The following SLIT2 variants were observed in gnomAD, a reference collection of about 807,000 sequenced individuals.
SLIT2 encodes slit homolog 2 protein.
Under a neutral mutation model 185.7 loss-of-function variants are expected in SLIT2, and 41 were observed. The observed-to-expected ratio is 0.22, with a 90% confidence interval of 0.17 to 0.29. The LOEUF is 0.29. Ranked by LOEUF, SLIT2 falls within the 10% of genes least tolerant of loss-of-function variation. The probability of loss-of-function intolerance (pLI) is 1.00; values close to 1 mark genes in which losing one functional copy is unlikely to be tolerated. For synonymous variants in SLIT2, 693 were observed against 680.2 expected (o/e 1.02, Z -0.29); for missense variants, 1,571 against 1,909.0 (o/e 0.82, Z 3.30).
In SLIT2 at chr4:20,253,741, C is replaced by G; in HGVS notation, c.-75C>G. 6 of 1,546,358 alleles carry G rather than the reference C, an allele frequency of 3.9e-6. No homozygotes were observed. The highest frequency in any genetic ancestry group is 5.2e-6 in the Non-Finnish European group (6 of 1,145,102). ...GCCCCGCCGGGCACTGGGCCTCAGACACTGCGCGGTTCCCTCGGAGCAGCA... is the reference window on the plus strand; with the variant it reads ...GCCCCGCCGGGCACTGGGCCTCAGAGACTGCGCGGTTCCCTCGGAGCAGCA... On this transcript the variant is annotated 5_prime_UTR_variant, in exon 1 of 37. Transcript: ENST00000504154.
Position 20,619,154 on chromosome 4 carries a change from T to C in SLIT2, c.*145T>C. The C allele has an allele frequency of 1.2e-6, 1 of 847,534 alleles. No individual in the cohort carries two copies. The highest frequency in any genetic ancestry group is 1.7e-6 in the Non-Finnish European group (1 of 592,794). The allele number at this position is 847,534 out of a possible 1,614,324, so 52.5% of individuals were successfully genotyped here. A position where few individuals can be genotyped will look rare whatever the true frequency, so the allele number is the denominator to read the frequency against. The stretch of plus-strand genomic sequence containing the variant: ...TTTTATTATGAGAATAAAGACTTTT[T>C]TTCTGCATTTGGAAAAAAAAAAAAA... On this transcript the variant is annotated 3_prime_UTR_variant, in exon 37 of 37. Transcript: ENST00000504154.
chr4:20,418,141 C>G (rs959308151), intron 4 of SLIT2, among the ~76,000 whole-genome samples: 1 of 152,238 alleles, frequency 6.6e-6, no homozygotes, highest in African/African-American at 2.4e-5. Context: ...ATGGATGACT[C>G]TGTACATAGG....
At chr4:20,454,532 T>C (rs1205905298) in intron 4 of SLIT2, among the ~76,000 whole-genome samples, 1 of 152,188 alleles carries the variant, frequency 6.6e-6, no homozygotes, top group Non-Finnish European at 1.5e-5. Context: ...TTATCATTAC[T>C]CAGTAGTTTC....
chr4:20,342,634 GATTT>G (rs1194228493), intron 4 of SLIT2, among the ~76,000 whole-genome samples: 1 of 144,400 alleles, frequency 6.9e-6, no homozygotes, highest in African/African-American at 2.6e-5. Flanking sequence ...TAAAAATATT[GATTT>G]ATTTATTCCT....
chr4:20,571,566 TA>T (rs1725607872), intron 29 of SLIT2, among the ~76,000 whole-genome samples: 1 of 152,220 alleles, frequency 6.6e-6, no homozygotes, highest in Non-Finnish European at 1.5e-5. Flanking sequence ...AATGAGGCTC[TA>T]GAGTTTTATA....
intron 4 of SLIT2, among the ~76,000 whole-genome samples, chr4:20,316,576 T>G (rs1249904081): frequency 1.3e-5 from 2 of 151,804 alleles, no homozygotes; most frequent in Non-Finnish European, 2.9e-5. Context: ...GAATTCTAAG[T>G]AGAAAAAGAA....
chr4:20,587,585 A>G (rs1727164778), intron 29 of SLIT2, among the ~76,000 whole-genome samples: 1 of 152,198 alleles, frequency 6.6e-6, no homozygotes, highest in Non-Finnish European at 1.5e-5. Flanking sequence ...CCTTTACATT[A>G]TCAAGTCTGT....
At chr4:20,390,005 A>G (rs1436456662) in intron 4 of SLIT2, among the ~76,000 whole-genome samples, 1 of 152,090 alleles carries the variant, frequency 6.6e-6, no homozygotes, top group Non-Finnish European at 1.5e-5. Flanking sequence ...AGCTTTGTGC[A>G]GTCCGATAAA....
chr4:20,608,348 A>G (rs1728947705), intron 33 of SLIT2, among the ~76,000 whole-genome samples: 1 of 152,190 alleles, frequency 6.6e-6, no homozygotes. Context: ...TATATGCTTA[A>G]CCATTAGCCA....
chr4:20,410,042 A>G (rs1044552001), intron 4 of SLIT2, among the ~76,000 whole-genome samples: 2 of 151,584 alleles, frequency 1.3e-5, no homozygotes, highest in African/African-American at 4.8e-5. Flanking sequence ...TTGATAGTTT[A>G]TTTTGCTGTG....
At chr4:20,354,499 A>G (rs1414111996) in intron 4 of SLIT2, among the ~76,000 whole-genome samples, 1 of 152,154 alleles carries the variant, frequency 6.6e-6, no homozygotes, top group Admixed American at 6.5e-5. Flanking sequence ...CTGTGCAATC[A>G]CCAGGCACAT....
intron 4 of SLIT2, among the ~76,000 whole-genome samples, chr4:20,286,401 G>A (rs7674173): frequency 0.041 from 6,257 of 152,038 alleles, 336 homozygotes; most frequent in East Asian, 0.13. Context: ...TGGTTCATCC[G>A]TCTTCTCCTT....
chr4:20,472,248 A>ATAGAGATCTATATATAGATATATATC (rs1715146230), intron 5 of SLIT2, among the ~76,000 whole-genome samples: 1 of 38,704 alleles, frequency 2.6e-5, no homozygotes, highest in South Asian at 1.2e-3. Context: ...CTATATATCT[A>ATAGAGATCTATATATAGATATATATC]TATATAGATC....
chr4:20,477,195 AT>A (rs34247605), intron 5 of SLIT2, among the ~76,000 whole-genome samples: 16,807 of 140,880 alleles, frequency 0.12, 1,398 homozygotes, highest in East Asian at 0.3. Flanking sequence ...AGAGATCATG[AT>A]TTTTTTTTTT....
chr4:20,594,221 ATATG>A (rs1727775209), intron 30 of SLIT2, among the ~76,000 whole-genome samples: 2 of 150,076 alleles, frequency 1.3e-5, no homozygotes, highest in Admixed American at 1.3e-4. Context: ...GTATATATGT[ATATG>A]TATGTACATG....
intron 4 of SLIT2, among the ~76,000 whole-genome samples, chr4:20,307,547 A>C (rs568790491): frequency 5.9e-5 from 9 of 152,214 alleles, no homozygotes; most frequent in African/African-American, 2.2e-4. Flanking sequence ...GGCATGAGCC[A>C]CTGGGTTCAG....
intron 29 of SLIT2, among the ~76,000 whole-genome samples, chr4:20,570,258 A>G (rs189614493): frequency 7.2e-5 from 11 of 152,206 alleles, no homozygotes; most frequent in Admixed American, 7.2e-4. Context: ...GTAGTTGTCT[A>G]TGGCCCTTCG....
intron 4 of SLIT2, among the ~76,000 whole-genome samples, chr4:20,439,961 T>A (rs1729627056): frequency 6.6e-6 from 1 of 152,200 alleles, no homozygotes; most frequent in South Asian, 2.1e-4. Context: ...TTGCCATTTT[T>A]AATTATATAA....
intron 4 of SLIT2, among the ~76,000 whole-genome samples, chr4:20,352,861 C>T (rs968388549): frequency 5.3e-5 from 8 of 152,068 alleles, no homozygotes; most frequent in East Asian, 1.9e-4. Flanking sequence ...TGCCATGAGC[C>T]GAGAGTGCGT....
Sources: gnomAD v4.1 joint callset for allele counts (sites outside exome capture counted in the v4.1 genomes callset) on GRCh38, gnomAD v4.1.1 for gene constraint, MANE v1.5 for transcripts, NCBI Gene and HGNC (gene_info 2026-07-23, HGNC 2026-07-21) for gene names.